The following FOXP2 variants were observed in gnomAD, a reference collection of about 807,000 sequenced individuals.
FOXP2 encodes the protein forkhead box P2.
Under a neutral mutation model 115.8 loss-of-function variants are expected in FOXP2, and 12 were observed. That is an observed-to-expected ratio of 0.10 (90% CI 0.07 to 0.17). The LOEUF is 0.17. FOXP2 is among the 10% of genes least tolerant of loss of function. FOXP2 has a pLI of 1.00. For synonymous variants in FOXP2, 328 were observed against 297.7 expected (o/e 1.10, Z -1.05); for missense variants, 629 against 843.5 (o/e 0.75, Z 3.15).
chr7:114,244,369 C>T (rs1795225426), intron 1 of FOXP2, among the ~76,000 whole-genome samples: 1 of 152,198 alleles, frequency 6.6e-6, no homozygotes, highest in Non-Finnish European at 1.5e-5. Flanking sequence ...CAGGATACCA[C>T]ATTAAATGTA....
intron 1 of FOXP2, among the ~76,000 whole-genome samples, chr7:114,179,984 T>G (rs1793416457): frequency 6.6e-6 from 1 of 151,956 alleles, no homozygotes; most frequent in Admixed American, 6.6e-5. Context: ...GGTGGGGGAT[T>G]GAATGATTGA....
At chr7:114,500,912 C>T (rs1456861582) in intron 2 of FOXP2, among the ~76,000 whole-genome samples, 1 of 152,072 alleles carries the variant, frequency 6.6e-6, no homozygotes, top group Non-Finnish European at 1.5e-5. Flanking sequence ...AGGGCCTGTT[C>T]GTTTATCACA....
chr7:114,518,699 T>C (rs1162617771), intron 2 of FOXP2, among the ~76,000 whole-genome samples: 1 of 152,098 alleles, frequency 6.6e-6, no homozygotes, highest in Non-Finnish European at 1.5e-5. Context: ...AGAGACAGGC[T>C]TTCACCATGT....
rs111628410 is a variant in FOXP2, at chr7:114,120,698, A to ATGTGTGTG, written c.-247+32872_-247+32879dup. ...TGTGTGTGTGTGTGTGTGTATATGTATGTGTGTGTGTGTGTGTGTATATAT... is the reference window on the plus strand; with the variant it reads ...TGTGTGTGTGTGTGTGTGTATATGTATGTGTGTGTGTGTGTGTGTGTGTGTGTATATAT... On this transcript the variant is annotated intron_variant, in intron 1 of 19. Coordinates refer to the FOXP2 transcript ENST00000635638. 3.9e-3 allele frequency among the ~76,000 whole-genome samples: 581 copies of ATGTGTGTG among 149,426 alleles called. 3 individuals carry two copies. Among genetic ancestry groups the ATGTGTGTG allele is most frequent in the African/African-American group, 0.013 (537 of 40,676 alleles).
At chr7:114,498,641 C>T (rs1797429249) in intron 2 of FOXP2, among the ~76,000 whole-genome samples, 1 of 152,084 alleles carries the variant, frequency 6.6e-6, no homozygotes, top group African/African-American at 2.4e-5. Flanking sequence ...TATAAGTTAT[C>T]TTAATAGGTA....
intron 1 of FOXP2, among the ~76,000 whole-genome samples, chr7:114,253,491 A>G (rs2129169916): frequency 6.6e-6 from 1 of 152,228 alleles, no homozygotes; most frequent in Non-Finnish European, 1.5e-5. Context: ...TTGGGTGCAT[A>G]TATATTTAGG....
At chr7:114,328,798 T>C (rs1002426218) in intron 2 of FOXP2, among the ~76,000 whole-genome samples, 2 of 152,190 alleles carry the variant, frequency 1.3e-5, no homozygotes, top group Non-Finnish European at 2.9e-5. Context: ...AAAGTCCATA[T>C]TTTTGATGGG....
At chr7:114,616,265 C>T (rs1452985302) in intron 3 of FOXP2, among the ~76,000 whole-genome samples, 1 of 152,008 alleles carries the variant, frequency 6.6e-6, no homozygotes. Flanking sequence ...AGGGTTCAAG[C>T]GATTCTCCTG....
intron 2 of FOXP2, among the ~76,000 whole-genome samples, chr7:114,430,565 A>G (rs1029140115): frequency 3.3e-5 from 5 of 151,794 alleles, no homozygotes; most frequent in African/African-American, 1.2e-4. Context: ...TAACACTCAC[A>G]TCTTCACACA....
intron 2 of FOXP2, among the ~76,000 whole-genome samples, chr7:114,520,687 G>A (rs6969188): frequency 0.31 from 47,768 of 151,870 alleles, 8,776 homozygotes; most frequent in Non-Finnish European, 0.43. Context: ...TATTAGATAT[G>A]TTTTTTAAAA....
chr7:114,134,495 CGAG>C (rs1791975553), intron 1 of FOXP2, among the ~76,000 whole-genome samples: 1 of 151,908 alleles, frequency 6.6e-6, no homozygotes, highest in South Asian at 2.1e-4. Context: ...GGGCGGATCA[CGAG>C]GTCAGGAGAT....
chr7:114,594,457 G>A (rs914254627), intron 3 of FOXP2, among the ~76,000 whole-genome samples: 1 of 152,034 alleles, frequency 6.6e-6, no homozygotes, highest in Non-Finnish European at 1.5e-5. Context: ...ATAGAGAGCC[G>A]ACTGATTATA....
At chr7:114,584,642 ATAAT>A (rs765184005) in intron 3 of FOXP2, among the ~76,000 whole-genome samples, 4 of 152,170 alleles carry the variant, frequency 2.6e-5, no homozygotes, top group Admixed American at 6.6e-5. Flanking sequence ...ACTCTCAAAA[ATAAT>A]TAAATATTCA....
At chr7:114,388,135 T>G (rs2129193550) in intron 2 of FOXP2, among the ~76,000 whole-genome samples, 1 of 152,290 alleles carries the variant, frequency 6.6e-6, no homozygotes, top group South Asian at 2.1e-4. Context: ...GTAAAATCTC[T>G]TTAGTCATAT....
rs985789735 is a variant in FOXP2, at chr7:114,228,174, T to A, written c.-101-59845T>A. 4.1e-4 allele frequency among the ~76,000 whole-genome samples: 62 copies of A among 152,054 alleles called. 1 individual carries two copies. The highest frequency in any genetic ancestry group is 1.4e-3 in the African/African-American group (60 of 41,462). On this transcript the variant is annotated intron_variant, in intron 1 of 17. Transcript: ENST00000634411. ...TCAAATTAGAGGGTAAACTTCAGAT[T>A]ATTCAAGTGCGTACTTTCCAAAATG...
chr7:114,472,499 CCA>C (rs1484569715), intron 2 of FOXP2, among the ~76,000 whole-genome samples: 1 of 151,964 alleles, frequency 6.6e-6, no homozygotes, highest in Non-Finnish European at 1.5e-5. Flanking sequence ...GCCTGTACCA[CCA>C]CACTTGGCTA....
intron 3 of FOXP2, among the ~76,000 whole-genome samples, chr7:114,550,869 T>G (rs1800171836): frequency 6.6e-6 from 1 of 152,208 alleles, no homozygotes; most frequent in African/African-American, 2.4e-5. Flanking sequence ...GCAATATTTT[T>G]TGAGAACCAA....
intron 2 of FOXP2, among the ~76,000 whole-genome samples, chr7:114,384,893 C>T (rs567959909): frequency 3.3e-5 from 5 of 151,872 alleles, no homozygotes; most frequent in South Asian, 2.1e-4. Flanking sequence ...GGATTTGCTA[C>T]GCCCTTATTT....
intron 1 of FOXP2, among the ~76,000 whole-genome samples, chr7:114,139,568 A>G (rs1235064592): frequency 2.0e-5 from 3 of 152,120 alleles, no homozygotes; most frequent in African/African-American, 7.2e-5. Flanking sequence ...TGGAATCTCT[A>G]CCTCACTAGA....
Sources: allele counts gnomAD v4.1 joint callset (sites outside exome capture counted in the v4.1 genomes callset), GRCh38; gene constraint gnomAD v4.1.1; transcripts MANE v1.5; gene names NCBI Gene and HGNC (gene_info 2026-07-23, HGNC 2026-07-21).